Variants in USP25 observed in about 807,000 individuals in gnomAD.
The protein encoded by USP25 is ubiquitin specific peptidase 25, also known as ubiquitin carboxyl-terminal hydrolase 25.
In USP25, 85 loss-of-function variants were observed where a neutral mutation model predicts 158.5. The observed-to-expected ratio is 0.54, with a 90% confidence interval of 0.45 to 0.64. The LOEUF (loss-of-function observed/expected upper bound fraction) is 0.64. Among genes scored for constraint, USP25 ranks in the 30% least tolerant of loss-of-function variants. The pLI is 0.00. For missense variants in USP25, 1,242 were observed against 1,327.3 expected, an observed-to-expected ratio of 0.94 and a Z score of 1.00; for synonymous variants, 464 against 460.4, an observed-to-expected ratio of 1.01 and a Z score of -0.10.
At chr21:15,757,662 A>C (rs894302350) in intron 1 of USP25, among the ~76,000 whole-genome samples, 1 of 152,194 alleles carries the variant, frequency 6.6e-6, no homozygotes, top group African/African-American at 2.4e-5. Context: ...GTGGGCTACC[A>C]AGTCATGTTC....
intron 1 of USP25, among the ~76,000 whole-genome samples, chr21:15,750,219 T>G (rs1397478689): frequency 2.6e-4 from 37 of 141,522 alleles, no homozygotes; most frequent in African/African-American, 7.3e-4. Flanking sequence ...TGTATGTTTT[T>G]TTTTTTTTTT....
intron 18 of USP25, 76 bp from the exon 19 acceptor site, chr21:15,847,587 A>G: frequency 1.0e-6 from 1 of 1,003,768 alleles, no homozygotes; most frequent in Non-Finnish European, 1.5e-6. Flanking sequence ...TGTGCAGGTT[A>G]TACAGTTGTG....
intron 4 of USP25, among the ~76,000 whole-genome samples, chr21:15,778,781 C>T (rs1006130073): frequency 2.0e-5 from 3 of 152,076 alleles, no homozygotes; most frequent in East Asian, 3.8e-4. Context: ...CTGTAATCCT[C>T]TAAACAACTA....
At chr21:15,785,665 C>T (rs2035230429) in intron 4 of USP25, among the ~76,000 whole-genome samples, 1 of 152,090 alleles carries the variant, frequency 6.6e-6, no homozygotes. Context: ...ACAGTGAAAC[C>T]TGTTCTAGAA....
rs369245827 is a variant in USP25 at position 15,875,826 on chromosome 21, T to C, written c.3009+1300T>C. ...AAACTTAGATGACATTCAAATGAGTTTGCACCAGTGTAAGTTTGATTAGGT... is the reference window on the plus strand; with the variant it reads ...AAACTTAGATGACATTCAAATGAGTCTGCACCAGTGTAAGTTTGATTAGGT... On this transcript the variant is annotated intron_variant, in intron 24 of 25. Transcript: ENST00000400183. This position sits in a 1 kb window ranked among gnomAD's most constrained non-coding sequence, Gnocchi z 4.7. Among the ~76,000 whole-genome samples the C allele has an allele frequency of 7.6e-4, 116 of 152,324 alleles. No homozygotes were observed. The highest frequency in any genetic ancestry group is 3.4e-3 in the Middle Eastern group (1 of 294).
intron 1 of USP25, among the ~76,000 whole-genome samples, chr21:15,737,362 A>G (rs1314450518): frequency 6.6e-6 from 1 of 152,140 alleles, no homozygotes; most frequent in Non-Finnish European, 1.5e-5. Flanking sequence ...CAATTTTCTC[A>G]TGATCAGCTC....
chr21:15,826,337 G>T lies in USP25; in HGVS notation c.1438G>T (p.Gly480Cys), dbSNP rs752077470. ...DDIDASSPPS[G>C]SIPSQTLPST... ...TATTGACGCTAGTTCCCCACCTAGT[G>T]GTTCCATACCATCACAGACATTACC... Residue 480 changes from glycine to cysteine, a missense_variant, in exon 13 of 26, where the codon GGT becomes TGT. By Grantham distance (159) the Gly-to-Cys change is radical. Around this residue, in one of 3 missense-constraint regions of USP25, gnomAD observed 627 missense variants for 701.4 expected, o/e 0.89. Coordinates refer to ENST00000400183, the MANE Select transcript of USP25 (RefSeq NM_001283041.3). The surrounding 1 kb of genome is among the most constrained non-coding windows in gnomAD (Gnocchi z 4.8). The T allele has an allele frequency of 6.2e-7, 1 of 1,613,894 alleles. No individual in the cohort carries two copies. Among genetic ancestry groups the T allele is most frequent in the Non-Finnish European group, 8.5e-7 (1 of 1,179,898 alleles).
At chr21:15,862,517 T>C (rs2039470464) in intron 20 of USP25, among the ~76,000 whole-genome samples, 1 of 151,762 alleles carries the variant, frequency 6.6e-6, no homozygotes, top group South Asian at 2.1e-4. Flanking sequence ...TGTTTTAGAT[T>C]TATTCTCAAA....
At chr21:15,775,365 A>C (rs1465528637) in intron 3 of USP25, among the ~76,000 whole-genome samples, 2 of 152,186 alleles carry the variant, frequency 1.3e-5, no homozygotes, top group African/African-American at 2.4e-5. Context: ...TTCTTTAAAA[A>C]ATCACTGGAA....
intron 1 of USP25, among the ~76,000 whole-genome samples, chr21:15,737,959 G>C (rs1206849586): frequency 1.3e-5 from 2 of 151,836 alleles, no homozygotes; most frequent in Non-Finnish European, 2.9e-5. Flanking sequence ...ACATCTTGTT[G>C]GTTCTCAGAA....
chr21:15,842,684 A>G, intron 18 of USP25, 144 bp downstream of exon 18: 1 of 932,546 alleles, frequency 1.1e-6, no homozygotes, highest in Non-Finnish European at 1.6e-6. Flanking sequence ...ACCATGGGCA[A>G]GTCATCTCAT....
In USP25 at chr21:15,730,349, G is replaced by T. The variant is rs1173324560; in HGVS notation, c.-45G>T. On this transcript the variant is annotated 5_prime_UTR_variant, in exon 1 of 26. Coordinates refer to ENST00000400183, the MANE Select transcript of USP25 (RefSeq NM_001283041.3). ...CAGCCAGGGCCGGCGGAGGCGCGAG[G>T]AGCCGGGCGCCACCGCCGCCGCCGC... 1.6e-5 allele frequency: 18 copies of T among 1,153,232 alleles called. No individual in the cohort carries two copies. The highest frequency in any genetic ancestry group is 6.7e-5 in the African/African-American group (4 of 59,518). The allele number at this position is 1,153,232 out of a possible 1,614,324, so 71.4% of individuals were successfully genotyped here. A position where few individuals can be genotyped will look rare whatever the true frequency, so the allele number is the denominator to read the frequency against.
At chr21:15,851,581 T>C (rs1033613250) in intron 20 of USP25, among the ~76,000 whole-genome samples, 1 of 152,104 alleles carries the variant, frequency 6.6e-6, no homozygotes, top group African/African-American at 2.4e-5. Context: ...AATATTATTA[T>C]GTATGCTATA....
At chr21:15,856,610 T>A (rs7279840) in intron 20 of USP25, among the ~76,000 whole-genome samples, 2,591 of 143,812 alleles carry the variant, frequency 0.018, 44 homozygotes, top group African/African-American at 0.062. Context: ...TAGCTGGGAC[T>A]ACAGGTGCCC....
In USP25 at chr21:15,871,084, AC is replaced by A. The variant is rs1263741657; in HGVS notation, c.2885+938del. Among the ~76,000 whole-genome samples the A allele has an allele frequency of 9.5e-4, 144 of 152,338 alleles. 1 individual carries two copies. The highest frequency in any genetic ancestry group is 3.3e-3 in the African/African-American group (137 of 41,590). On this transcript the variant is annotated intron_variant, in intron 23 of 25. Transcript: ENST00000400183. Reference sequence around the variant, plus strand: ...ATCACAGAAATTTCTATTGGACAGTACTATTCTAGAGGACAGTACTTTCATT... The same window carrying A: ...ATCACAGAAATTTCTATTGGACAGTATATTCTAGAGGACAGTACTTTCATT...
At chr21:15,863,369 G>C (rs565838665) in intron 20 of USP25, among the ~76,000 whole-genome samples, 34 of 151,960 alleles carry the variant, frequency 2.2e-4, no homozygotes, top group African/African-American at 7.7e-4. Context: ...TAAAATGTAC[G>C]TACTGTTGGA....
intron 9 of USP25, among the ~76,000 whole-genome samples, chr21:15,814,617 G>A (rs917697138): frequency 2.0e-5 from 3 of 152,228 alleles, no homozygotes; most frequent in African/African-American, 7.2e-5. Flanking sequence ...TTATGTTTTA[G>A]CAAAGAGACT....
intron 22 of USP25, among the ~76,000 whole-genome samples, chr21:15,867,830 A>G (rs1459609623): frequency 6.6e-6 from 1 of 152,214 alleles, no homozygotes; most frequent in African/African-American, 2.4e-5. Flanking sequence ...GGGGAAAATT[A>G]TAAAACTTAT....
At chr21:15,753,727 T>C (rs916346926) in intron 1 of USP25, among the ~76,000 whole-genome samples, 6 of 152,184 alleles carry the variant, frequency 3.9e-5, no homozygotes, top group African/African-American at 1.4e-4. Context: ...AGGCTTCTCT[T>C]TACCTTTCTA....
Sources: gnomAD v4.1 joint callset for allele counts (sites outside exome capture counted in the v4.1 genomes callset) on GRCh38, gnomAD v4.1.1 for gene constraint, gnomAD v4.1.1 regional missense constraint, Gnocchi (gnomAD v3.1) non-coding constraint, MANE v1.5 for transcripts, NCBI Gene and HGNC (gene_info 2026-07-23, HGNC 2026-07-21) for gene names.